The following GRID2 variants were observed in gnomAD, a reference collection of about 807,000 sequenced individuals.
GRID2 encodes the protein glutamate receptor ionotropic, delta-2.
Under a neutral mutation model 114.8 loss-of-function variants are expected in GRID2, and 33 were observed. The ratio of observed to expected loss-of-function variants is 0.29; its 90% confidence interval spans 0.22 to 0.38. The LOEUF (loss-of-function observed/expected upper bound fraction) is 0.38, where lower values mean the gene tolerates loss of function less well. Among genes scored for constraint, GRID2 ranks in the 10% least tolerant of loss-of-function variants. The pLI is 1.00. For missense variants in GRID2, 1,184 were observed against 1,257.7 expected, an observed-to-expected ratio of 0.94 and a Z score of 0.89; for synonymous variants, 505 against 449.9, an observed-to-expected ratio of 1.12 and a Z score of -1.55.
At chr4:92,305,132 G>A (rs910101505) in intron 1 of GRID2, among the ~76,000 whole-genome samples, 1 of 152,088 alleles carries the variant, frequency 6.6e-6, no homozygotes, top group Non-Finnish European at 1.5e-5. Flanking sequence ...TTATCTTTGG[G>A]GGAGCAGAGA....
chr4:92,958,810 G>C (rs960859166), intron 2 of GRID2, among the ~76,000 whole-genome samples: 1 of 151,922 alleles, frequency 6.6e-6, no homozygotes, highest in Non-Finnish European at 1.5e-5. Context: ...TGTACTTTCT[G>C]TTTGGAAAGT....
chr4:93,592,989 G>T (rs1398699674), intron 13 of GRID2, among the ~76,000 whole-genome samples: 4 of 151,568 alleles, frequency 2.6e-5, no homozygotes, highest in African/African-American at 4.8e-5. Context: ...ACAGCACACT[G>T]ATGGGTCTTG....
At chr4:92,825,043 A>C (rs1741588441) in intron 2 of GRID2, among the ~76,000 whole-genome samples, 1 of 152,166 alleles carries the variant, frequency 6.6e-6, no homozygotes, top group African/African-American at 2.4e-5. Flanking sequence ...AAATACATAA[A>C]ATTTTTTTTA....
chr4:93,376,873 G>A (rs1431883883), intron 8 of GRID2, among the ~76,000 whole-genome samples: 7 of 152,146 alleles, frequency 4.6e-5, no homozygotes, highest in Non-Finnish European at 1.0e-4. Context: ...TGCATACTGG[G>A]CTTAATACCT....
intron 1 of GRID2, among the ~76,000 whole-genome samples, chr4:92,369,096 G>T (rs1729001506): frequency 6.6e-6 from 1 of 151,852 alleles, no homozygotes; most frequent in South Asian, 2.1e-4. Context: ...ACCAGCTTTT[G>T]CTCATTGAAA....
At chr4:93,390,971 A>G (rs1428410073) in intron 8 of GRID2, among the ~76,000 whole-genome samples, 1 of 152,136 alleles carries the variant, frequency 6.6e-6, no homozygotes, top group African/African-American at 2.4e-5. Flanking sequence ...GGGAGATAAA[A>G]GTGGTTGAAC....
At position 92,658,717 on chromosome 4, in the gene GRID2, A is replaced by G. The variant is rs143990922; in HGVS notation, c.244+68431A>G. ...CTCAAAGCAAAAAGAATGCTTACTCATTTACACCATTCCTTTTATTAGAAT... is the reference window on the plus strand; with the variant it reads ...CTCAAAGCAAAAAGAATGCTTACTCGTTTACACCATTCCTTTTATTAGAAT... On this transcript the variant is annotated intron_variant, in intron 2 of 15. Transcript: ENST00000282020. Among the ~76,000 whole-genome samples, 371 of 151,236 alleles carry G rather than the reference A, an allele frequency of 2.5e-3. 1 individual carries two copies. Among genetic ancestry groups the G allele is most frequent in the African/African-American group, 7.6e-3 (314 of 41,302 alleles).
intron 4 of GRID2, chr4:93,164,777 A>AT: frequency 2.4e-6 from 1 of 416,382 alleles, no homozygotes; most frequent in Non-Finnish European, 5.0e-6. Flanking sequence ...AATGTGAGTG[A>AT]TTTTTGTTTT....
chr4:93,586,978 T>A (rs1000329937), intron 13 of GRID2, among the ~76,000 whole-genome samples: 6 of 152,126 alleles, frequency 3.9e-5, no homozygotes, highest in Admixed American at 3.3e-4. Flanking sequence ...GAATAAATTA[T>A]ACATCCTCCA....
At chr4:92,706,772 T>G (rs1173715132) in intron 2 of GRID2, among the ~76,000 whole-genome samples, 1 of 152,196 alleles carries the variant, frequency 6.6e-6, no homozygotes, top group Non-Finnish European at 1.5e-5. Context: ...CAGCATACAT[T>G]TGGTGTGGTT....
At chr4:92,695,035 C>T (rs1267089709) in intron 2 of GRID2, among the ~76,000 whole-genome samples, 1 of 152,060 alleles carries the variant, frequency 6.6e-6, no homozygotes, top group Admixed American at 6.6e-5. Context: ...GGTGCAATCT[C>T]GGCTCACTGC....
At chr4:93,111,146 G>T (rs543938892) in intron 4 of GRID2, among the ~76,000 whole-genome samples, 193 bp downstream of exon 4, 1 of 152,220 alleles carries the variant, frequency 6.6e-6, no homozygotes, top group African/African-American at 2.4e-5. Context: ...TAGTTGCTGA[G>T]AGTATTTGTG....
At chr4:93,788,722 A>C (rs1424351792) in intron 1 of GRID2, among the ~76,000 whole-genome samples, 1 of 152,238 alleles carries the variant, frequency 6.6e-6, no homozygotes, top group Non-Finnish European at 1.5e-5. Context: ...CCTATGCGGT[A>C]GAATAACTAT....
intron 2 of GRID2, among the ~76,000 whole-genome samples, chr4:92,886,520 A>G (rs1012011923): frequency 6.6e-6 from 1 of 152,314 alleles, no homozygotes; most frequent in Non-Finnish European, 1.5e-5. Context: ...CAAGAAAAAT[A>G]TCCAAGAAAG....
intron 13 of GRID2, among the ~76,000 whole-genome samples, chr4:93,593,798 A>G (rs141120256): frequency 6.6e-6 from 1 of 151,638 alleles, no homozygotes; most frequent in African/African-American, 2.4e-5. Flanking sequence ...GCTTCATTTC[A>G]TTTATTTCAT....
intron 13 of GRID2, among the ~76,000 whole-genome samples, chr4:93,552,608 A>G (rs2149545945): frequency 6.6e-6 from 1 of 152,166 alleles, no homozygotes; most frequent in African/African-American, 2.4e-5. Flanking sequence ...TGTGGTTTTT[A>G]TTTGCATTTC....
chr4:93,023,746 A>C lies in GRID2; in HGVS notation c.245-61249A>C, dbSNP rs551257357. 7.2e-5 allele frequency among the ~76,000 whole-genome samples: 11 copies of C among 151,962 alleles called. No individual in the cohort carries two copies. The South Asian group carries it at 2.3e-3, about 31-fold the overall frequency. On this transcript the variant is annotated intron_variant, in intron 2 of 15. Coordinates refer to ENST00000282020, the MANE Select transcript of GRID2 (RefSeq NM_001510.4). ...AAATAAGCTAAAAACACGTCGGAAT[A>C]TGATGGGTGTTACATTTTGTTTCTT... is the stretch of plus-strand genomic sequence containing the variant.
intron 10 of GRID2, among the ~76,000 whole-genome samples, chr4:93,436,112 T>G (rs1156896601): frequency 6.6e-5 from 10 of 152,250 alleles, no homozygotes; most frequent in African/African-American, 2.4e-4. Context: ...AAAAGATAAT[T>G]TAATTCTCAC....
At chr4:92,704,505 C>T (rs1278917556) in intron 2 of GRID2, among the ~76,000 whole-genome samples, 1 of 152,144 alleles carries the variant, frequency 6.6e-6, no homozygotes, top group Non-Finnish European at 1.5e-5. Context: ...CCATTGACTG[C>T]ATACTCAAGT....
Sources: gnomAD v4.1 joint callset for allele counts (sites outside exome capture counted in the v4.1 genomes callset) on GRCh38, gnomAD v4.1.1 for gene constraint, MANE v1.5 for transcripts, NCBI Gene and HGNC (gene_info 2026-07-23, HGNC 2026-07-21) for gene names.